NPAS3: variants seen among roughly 807,000 people sequenced by gnomAD.
NPAS3 encodes the protein neuronal PAS domain protein 3.
A neutral mutation model predicts 73.1 loss-of-function variants in NPAS3; 14 were observed. The ratio of observed to expected loss-of-function variants is 0.19; its 90% CI spans 0.13 to 0.30. The LOEUF (loss-of-function observed/expected upper bound fraction) is 0.30. NPAS3 is among the 10% of genes least tolerant of loss of function. The pLI is 1.00. For missense variants in NPAS3, 1,096 were observed against 1,250.0 expected (o/e 0.88, Z 1.86); for synonymous variants, 620 against 541.5 (o/e 1.14, Z -2.01).
chr14:33,455,992 A>G (rs182039063), intron 4 of NPAS3, among the ~76,000 whole-genome samples: 180 of 152,314 alleles, frequency 1.2e-3, no homozygotes, highest in Admixed American at 2.0e-3. Flanking sequence ...GTGGGAAGGA[A>G]TATGGCAGTT....
chr14:33,183,737 A>G (rs1478391189), intron 2 of NPAS3, among the ~76,000 whole-genome samples: 1 of 151,976 alleles, frequency 6.6e-6, no homozygotes, highest in African/African-American at 2.4e-5. Flanking sequence ...TCCTTTCAAG[A>G]CCTGTCATTG....
rs558974494 is a variant in NPAS3, at chr14:33,264,931, A to G, written c.385+49505A>G. On this transcript the variant is annotated intron_variant, in intron 3 of 11. Coordinates refer to ENST00000356141, the Ensembl canonical transcript of NPAS3. ...CTTCCATTATTCTTCCTGAGTTCCC[A>G]GAGTTTCTCTCCATAAGTTTCTCTC... Among the ~76,000 whole-genome samples, 10 of 152,256 alleles carry G rather than the reference A, an allele frequency of 6.6e-5. No homozygotes were observed. In the East Asian group the frequency reaches 1.7e-3, roughly 26 times the overall value.
At chr14:33,144,342 G>A (rs1468796072) in intron 2 of NPAS3, among the ~76,000 whole-genome samples, 1 of 152,204 alleles carries the variant, frequency 6.6e-6, no homozygotes, top group East Asian at 1.9e-4. Context: ...AGATGTGCTT[G>A]TTGGACAAAA....
At chr14:32,968,446 T>C (rs2037277691) in intron 1 of NPAS3, among the ~76,000 whole-genome samples, 1 of 152,210 alleles carries the variant, frequency 6.6e-6, no homozygotes, top group African/African-American at 2.4e-5. Context: ...TGATTTGAAC[T>C]ATTAGTATTA....
intron 1 of NPAS3, among the ~76,000 whole-genome samples, chr14:33,012,846 G>A (rs556398809): frequency 2.0e-4 from 30 of 152,224 alleles, no homozygotes; most frequent in African/African-American, 6.5e-4. Context: ...CACAGCGCCC[G>A]GCCCAAAGTC....
chr14:33,489,871 A>C (rs112996849), intron 4 of NPAS3, among the ~76,000 whole-genome samples: 1 of 152,174 alleles, frequency 6.6e-6, no homozygotes, highest in Non-Finnish European at 1.5e-5. Context: ...GTCCAATTCA[A>C]TACCTCAGCA....
At chr14:33,650,698 T>C (rs1373497341) in intron 5 of NPAS3, among the ~76,000 whole-genome samples, 4 of 152,146 alleles carry the variant, frequency 2.6e-5, no homozygotes, top group African/African-American at 9.7e-5. Flanking sequence ...CCACTGTAGA[T>C]GACATGTCTC....
intron 1 of NPAS3, among the ~76,000 whole-genome samples, chr14:32,993,936 C>T (rs1437954627): frequency 6.6e-6 from 1 of 152,126 alleles, no homozygotes. Flanking sequence ...TAATAAAGCA[C>T]TTTTGTTTAC....
At chr14:33,726,365 A>C (rs1210750721) in intron 6 of NPAS3, among the ~76,000 whole-genome samples, 2 of 152,218 alleles carry the variant, frequency 1.3e-5, no homozygotes, top group East Asian at 3.9e-4. Context: ...ACAAAAATTC[A>C]AAAGATAACT....
intron 1 of NPAS3, among the ~76,000 whole-genome samples, chr14:32,971,736 A>T (rs1233308081): frequency 6.6e-6 from 1 of 152,062 alleles, no homozygotes; most frequent in Non-Finnish European, 1.5e-5. Flanking sequence ...AATGTGTTTT[A>T]TTTCTGCAAT....
chr14:33,031,902 C>T lies in NPAS3; in HGVS notation c.51-24003C>T, dbSNP rs187978808. Among the ~76,000 whole-genome samples the T allele has an allele frequency of 3.9e-3, 596 of 152,242 alleles. 4 individuals are homozygous for T. The highest frequency in any genetic ancestry group is 0.012 in the African/African-American group (489 of 41,528). Reference sequence around the variant, plus strand: ...AAACAAAGATTTTGATCTCACAGAGCGGAATGTAATAGACATATAATTTGC... The same window carrying T: ...AAACAAAGATTTTGATCTCACAGAGTGGAATGTAATAGACATATAATTTGC... On this transcript the variant is annotated intron_variant, in intron 1 of 11. Coordinates refer to ENST00000356141, the Ensembl canonical transcript of NPAS3.
chr14:33,652,490 C>G (rs1411717335), intron 5 of NPAS3, among the ~76,000 whole-genome samples: 1 of 152,170 alleles, frequency 6.6e-6, no homozygotes, highest in Non-Finnish European at 1.5e-5. Flanking sequence ...AATATAGCTC[C>G]TAAAACCCTT....
At chr14:33,276,820 A>T (rs796373461) in intron 3 of NPAS3, among the ~76,000 whole-genome samples, 13 of 152,266 alleles carry the variant, frequency 8.5e-5, no homozygotes, top group African/African-American at 2.9e-4. Flanking sequence ...GTCTGTAAAC[A>T]TATATTCTTC....
At chr14:33,279,551 T>C (rs1271698064) in intron 3 of NPAS3, among the ~76,000 whole-genome samples, 1 of 152,188 alleles carries the variant, frequency 6.6e-6, no homozygotes, top group African/African-American at 2.4e-5. Flanking sequence ...TCATTGATGT[T>C]ACCCGGGAGC....
At chr14:32,939,852 C>A (rs2035906456) in intron 1 of NPAS3, among the ~76,000 whole-genome samples, 1 of 150,940 alleles carries the variant, frequency 6.6e-6, no homozygotes, top group African/African-American at 2.4e-5. Context: ...GAGGAGGAGG[C>A]CGGGGGCGGG....
intron 4 of NPAS3, among the ~76,000 whole-genome samples, chr14:33,530,370 C>T (rs2053985996): frequency 6.6e-6 from 1 of 152,082 alleles, no homozygotes; most frequent in African/African-American, 2.4e-5. Flanking sequence ...ATCTTAGCTG[C>T]TCAGCATAAA....
At chr14:33,369,064 T>C (rs1566838996) in intron 4 of NPAS3, among the ~76,000 whole-genome samples, 1 of 152,172 alleles carries the variant, frequency 6.6e-6, no homozygotes, top group Non-Finnish European at 1.5e-5. Flanking sequence ...CTTAGGAGTT[T>C]GAATCAAACA....
chr14:33,530,324 G>C (rs1310745861), intron 4 of NPAS3, among the ~76,000 whole-genome samples: 1 of 152,100 alleles, frequency 6.6e-6, no homozygotes, highest in East Asian at 1.9e-4. Flanking sequence ...ATTCTGATAT[G>C]AATACAGTTA....
At position 33,062,067 on chromosome 14, in the gene NPAS3, G is replaced by A. The variant is rs1393729949; in HGVS notation, c.140+6073G>A. Among the ~76,000 whole-genome samples the A allele has an allele frequency of 3.9e-5, 6 of 152,296 alleles. No individual in the cohort carries two copies. The Middle Eastern group carries it at 0.01, about 259-fold the overall frequency. On this transcript the variant is annotated intron_variant, in intron 2 of 11. Transcript: ENST00000356141. The stretch of plus-strand genomic sequence containing the variant: ...TGAGGCTGGAGAGGAAGGGAGAGCA[G>A]AGGCCTCAGATCCCAGAGGACTGCC...
Sources: gnomAD v4.1 joint callset for allele counts (sites outside exome capture counted in the v4.1 genomes callset) on GRCh38, gnomAD v4.1.1 for gene constraint, MANE v1.5 for transcripts, NCBI Gene and HGNC (gene_info 2026-07-23, HGNC 2026-07-21) for gene names.